The following SNED1 variants were observed in gnomAD, a reference collection of about 807,000 sequenced individuals.
SNED1 encodes the protein sushi, nidogen and EGF-like domain-containing protein 1.
A neutral mutation model predicts 166.7 loss-of-function variants in SNED1; 81 were observed. That is an observed-to-expected ratio of 0.49 (90% CI 0.41 to 0.58). The LOEUF (loss-of-function observed/expected upper bound fraction) is 0.58. SNED1 is among the 20% of genes least tolerant of loss of function. SNED1 has a pLI of 0.00. For synonymous variants in SNED1, 762 were observed against 822.0 expected (o/e 0.93, Z 1.25); for missense variants, 1,604 against 2,000.2 (o/e 0.80, Z 3.78).
intron 1 of SNED1, among the ~76,000 whole-genome samples, chr2:241,024,536 G>A (rs951892336): frequency 8.6e-5 from 13 of 151,136 alleles, no homozygotes; most frequent in Admixed American, 4.0e-4. Context: ...GTAAGCCACC[G>A]CACCCAGCCA....
At chr2:241,056,604 G>A (rs1575008748) in intron 16 of SNED1, among the ~76,000 whole-genome samples, 2 of 25,386 alleles carry the variant, frequency 7.9e-5, no homozygotes. Flanking sequence ...TTTTTGAGAC[G>A]GAGTCTCGCT....
chr2:241,023,159 T>C (rs1008041415), intron 1 of SNED1, among the ~76,000 whole-genome samples: 5 of 152,138 alleles, frequency 3.3e-5, no homozygotes, highest in Non-Finnish European at 7.3e-5. Context: ...TATATATGAG[T>C]TTGTTTACTA....
intron 4 of SNED1, among the ~76,000 whole-genome samples, chr2:241,035,269 A>T (rs13035828): frequency 0.44 from 67,364 of 151,866 alleles, 16,617 homozygotes; most frequent in African/African-American, 0.67. Context: ...GGATTTGGTG[A>T]CTGCTTGACA....
chr2:241,046,456 A>T (rs577489580), intron 8 of SNED1, among the ~76,000 whole-genome samples: 2 of 152,360 alleles, frequency 1.3e-5, no homozygotes, highest in South Asian at 4.1e-4. Context: ...GTATGGTGGA[A>T]TACTACTCAG....
chr2:241,047,014 G>A (rs543373872), intron 8 of SNED1, among the ~76,000 whole-genome samples: 5 of 151,834 alleles, frequency 3.3e-5, no homozygotes, highest in Admixed American at 6.6e-5. Context: ...GTGGTAGCAC[G>A]TGCTTATAAT....
At chr2:241,070,387 G>C (rs575466943) in intron 24 of SNED1, among the ~76,000 whole-genome samples, 186 bp downstream of exon 24, 1 of 152,380 alleles carries the variant, frequency 6.6e-6, no homozygotes, top group South Asian at 2.1e-4. Context: ...GGAAAGGAAG[G>C]ACTCATGGGC....
intron 24 of SNED1, 143 bp from the exon 25 acceptor site, chr2:241,071,432 CT>C: frequency 1.1e-6 from 1 of 945,724 alleles, no homozygotes. Flanking sequence ...CCACAAGCAC[CT>C]TGGATGACCA....
At chr2:241,070,234 C>G (rs10174683) in intron 24 of SNED1, 33 bp downstream of exon 24, 62,983 of 1,562,414 alleles carry the variant, frequency 0.04, 8,299 homozygotes, top group African/African-American at 0.36. Flanking sequence ...GTGGGCGGGG[C>G]CAGTGTTTGC....
In SNED1 at chr2:241,053,165, G is replaced by GC. The variant is rs1229157357; in HGVS notation, c.2102dup (p.Glu702GlyfsTer24). 6.2e-7 allele frequency: 1 copy of GC among 1,610,122 alleles called. No individual in the cohort carries two copies. Among genetic ancestry groups the GC allele is most frequent in the Non-Finnish European group, 8.5e-7 (1 of 1,179,142 alleles). ...CCGTGCCTTGCAGAGGTGGACTGCGGCCCCCCGGAGGAGGTGAAGCACGCC... is the reference window on the plus strand; with the variant it reads ...CCGTGCCTTGCAGAGGTGGACTGCGGCCCCCCCGGAGGAGGTGAAGCACGCC... On this transcript the variant is annotated frameshift_variant, in exon 16 of 32. Coordinates refer to ENST00000310397, the MANE Select transcript of SNED1 (RefSeq NM_001080437.3). LOFTEE classifies it high-confidence loss of function.
In SNED1 at chr2:241,068,451, C is replaced by T. The variant is rs1315343585; in HGVS notation, c.3195-460C>T. Among the ~76,000 whole-genome samples, 2 of 151,940 alleles carry T rather than the reference C, an allele frequency of 1.3e-5. No homozygotes were observed. Among genetic ancestry groups the T allele is most frequent in the African/African-American group, 4.8e-5 (2 of 41,374 alleles). On this transcript the variant is annotated intron_variant, in intron 22 of 31. Transcript: ENST00000310397. This position sits in a 1 kb window ranked among gnomAD's most constrained non-coding sequence, Gnocchi z 5.3. ...GAAAGCTTCCGAATCGTGCTCAGCGCAGGCAGGGGTGCAGGAAAAGATCGG... is the reference window on the plus strand; with the variant it reads ...GAAAGCTTCCGAATCGTGCTCAGCGTAGGCAGGGGTGCAGGAAAAGATCGG...
intron 31 of SNED1, 65 bp downstream of exon 31, chr2:241,088,467 G>C (rs1304709137): frequency 1.3e-5 from 17 of 1,342,324 alleles, no homozygotes; most frequent in Non-Finnish European, 1.7e-5. Context: ...CGACTGCCCA[G>C]CCCCGGGATC....
Position 241,053,299 on chromosome 2 carries a change from G to A in SNED1, c.2230G>A (p.Val744Ile). 1 of 1,593,310 alleles carries A rather than the reference G, an allele frequency of 6.3e-7. No individual in the cohort carries two copies. The highest frequency in any genetic ancestry group is 8.6e-7 in the Non-Finnish European group (1 of 1,168,238). The change falls in exon 16 of 32, where the codon GTC becomes ATC. Residue 744 changes from valine to isoleucine, a missense_variant. By Grantham distance (29) the Val-to-Ile change is conservative (BLOSUM62 3). Around this residue, in one of 2 missense-constraint regions of SNED1, gnomAD observed 1,237 missense variants for 1,620.8 expected, o/e 0.76. Coordinates refer to ENST00000310397, the MANE Select transcript of SNED1 (RefSeq NM_001080437.3). ...CATCCGGGTCTGCCAGCCACACGGTGTCTGGAGTGAGCCTCCCCAGTGCCT... is the reference window on the plus strand; with the variant it reads ...CATCCGGGTCTGCCAGCCACACGGTATCTGGAGTGAGCCTCCCCAGTGCCT... ...SRIRVCQPHG[V>I]WSEPPQCLEI...
In SNED1 at chr2:241,048,430, C is replaced by T. The variant is rs1315456478; in HGVS notation, c.1389C>T (p.Asp463=). The T allele has an allele frequency of 2.5e-6, 4 of 1,604,892 alleles. No homozygotes were observed. The highest frequency in any genetic ancestry group is 3.4e-6 in the Non-Finnish European group (4 of 1,176,142). ...CECPEGFMGL[D]CRERVPDDCE... is the part of the protein sequence containing the mutation. Reference sequence around the variant, plus strand: ...GCCCCGAAGGCTTCATGGGCCTGGACTGCAGGGAGAGTGCGTCTGGGCTGC... The same window carrying T: ...GCCCCGAAGGCTTCATGGGCCTGGATTGCAGGGAGAGTGCGTCTGGGCTGC... The change falls in exon 9 of 32, where the codon GAC becomes GAT. Residue 463 remains aspartate (D), a synonymous_variant. Transcript: ENST00000310397.
intron 1 of SNED1, among the ~76,000 whole-genome samples, chr2:241,020,095 C>G (rs934553638): frequency 7.9e-5 from 12 of 152,196 alleles, no homozygotes; most frequent in African/African-American, 2.9e-4. Context: ...TTTTAAAGGG[C>G]TGCAAAAACA....
intron 1 of SNED1, 85 bp from the exon 2 acceptor site, chr2:241,030,198 TG>T: frequency 7.6e-7 from 1 of 1,315,318 alleles, no homozygotes; most frequent in Non-Finnish European, 1.0e-6. Context: ...AGAGGGTGCC[TG>T]GTGGCAGGGG....
At chr2:241,060,988 T>C (rs1465216211) in intron 16 of SNED1, among the ~76,000 whole-genome samples, 1 of 152,074 alleles carries the variant, frequency 6.6e-6, no homozygotes, top group Non-Finnish European at 1.5e-5. Context: ...GGTAAATATA[T>C]TTTTGACTTT....
At chr2:241,038,060 G>A (rs1299971416) in intron 6 of SNED1, among the ~76,000 whole-genome samples, 2 of 144,220 alleles carry the variant, frequency 1.4e-5, no homozygotes, top group African/African-American at 5.1e-5. Flanking sequence ...ACCTGGTAAA[G>A]AAAGGTGGAC....
chr2:241,001,047 C>T (rs1307193013), intron 1 of SNED1, among the ~76,000 whole-genome samples: 1 of 152,214 alleles, frequency 6.6e-6, no homozygotes, highest in African/African-American at 2.4e-5. Context: ...CCCACCCAGG[C>T]CGAGCGGACC....
intron 8 of SNED1, chr2:241,041,346 A>G (rs1320770685): frequency 6.3e-6 from 1 of 158,662 alleles, no homozygotes; most frequent in African/African-American, 2.4e-5. Flanking sequence ...TTTTGCAAAT[A>G]AACCGTGTTT....
Sources: allele counts gnomAD v4.1 joint callset (sites outside exome capture counted in the v4.1 genomes callset), GRCh38; gene constraint gnomAD v4.1.1; regional missense constraint gnomAD v4.1.1; non-coding constraint Gnocchi (gnomAD v3.1); transcripts MANE v1.5; gene names NCBI Gene and HGNC (gene_info 2026-07-23, HGNC 2026-07-21).